AMER1: variants seen among roughly 807,000 people sequenced by gnomAD.
The protein encoded by AMER1 is RP11-403E24.2.
A neutral mutation model predicts 53.0 loss-of-function variants in AMER1; 16 were observed. The ratio of observed to expected loss-of-function variants is 0.30; its 90% CI spans 0.20 to 0.46. The LOEUF (loss-of-function observed/expected upper bound fraction) is 0.46, where lower values mean the gene tolerates loss of function less well. AMER1 is among the 20% of genes least tolerant of loss of function. The pLI is 1.00. For missense variants in AMER1, 947 were observed against 884.9 expected, an observed-to-expected ratio of 1.07 and a Z score of -0.89; for synonymous variants, 354 against 331.9, an observed-to-expected ratio of 1.07 and a Z score of -0.73.
chrX:64,192,259 C>T lies in AMER1; in HGVS notation c.1028G>A (p.Ser343Asn), dbSNP rs764628121. The T allele has an allele frequency of 8.2e-7, 1 of 1,212,264 alleles. No individual in the cohort carries two copies. Among genetic ancestry groups the T allele is most frequent in the African/African-American group, 1.7e-5 (1 of 57,947 alleles). Residue 343 changes from serine (S) to asparagine (N), a missense_variant, in exon 2 of 2, where the codon AGC becomes AAC. By Grantham distance (46) the Ser-to-Asn change is conservative. Transcript: ENST00000374869. ...TGCTCTCTGGCCCCCAGAGGCCATG[C>T]TGTCTGTCATACTGTCCATGTCCTG... The part of the protein sequence containing the change: ...AEQDMDSMTD[S>N]MASGGQRANR...
chrX:64,201,391 C>T (rs759497507), intron 1 of AMER1, among the ~76,000 whole-genome samples: 1 of 107,832 alleles, frequency 9.3e-6, no homozygotes, highest in South Asian at 4.1e-4. Flanking sequence ...ATGAAATCTC[C>T]AATAGATCGT....
intron 1 of AMER1, among the ~76,000 whole-genome samples, chrX:64,199,010 C>T (rs1181301981): frequency 8.9e-6 from 1 of 112,493 alleles, no homozygotes; most frequent in Non-Finnish European, 1.9e-5. Flanking sequence ...TTGGTCAGAG[C>T]CTAAAGGAAG....
chrX:64,193,243 G>A lies in AMER1; in HGVS notation c.44C>T (p.Ala15Val), dbSNP rs1287116053. Residue 15 changes from alanine to valine, a missense_variant, in exon 2 of 2, where the codon GCA becomes GTA. Ala to Val is a moderately conservative substitution (Grantham distance 64). Transcript: ENST00000374869. ...KDEAAQAKGA[A>V]ASGSTREQTA... The stretch of plus-strand genomic sequence containing the variant: ...TTGTTCACGGGTACTCCCAGAGGCT[G>A]CAGCTCCCTTGGCCTGAGCAGCTTC... The A allele has an allele frequency of 1.7e-6, 2 of 1,210,071 alleles. No homozygotes were observed. The highest frequency in any genetic ancestry group is 1.8e-5 in the African/African-American group (1 of 57,097).
At position 64,193,459 on chromosome X, in the gene AMER1, C is replaced by T. The variant is rs764783763; in HGVS notation, c.-98-75G>A. The T allele has an allele frequency of 7.3e-6, 5 of 687,021 alleles. No homozygotes were observed. The African/African-American group carries it at 1.1e-4, about 15-fold the overall frequency. 56.6% of individuals were successfully genotyped at this position (687,021 alleles called of 1,213,427 possible). ...AGCATCCAGGCTGGGTTTGCTTTCA[C>T]CGGACGTCAGGCTTGAGTGGAACAA... is the stretch of plus-strand genomic sequence containing the variant. On this transcript the variant is annotated intron_variant, in intron 1 of 1. Transcript: ENST00000374869.
In AMER1 at chrX:64,189,247, T is replaced by G; in HGVS notation, c.*632A>C. 11 of 796,053 alleles carry G rather than the reference T, an allele frequency of 1.4e-5. No homozygotes were observed. Among genetic ancestry groups the G allele is most frequent in the Non-Finnish European group, 1.7e-5 (11 of 665,207 alleles). The allele number at this position is 796,053 out of a possible 1,213,427, so 65.6% of individuals were successfully genotyped here. On this transcript the variant is annotated 3_prime_UTR_variant, in exon 2 of 2. Coordinates refer to ENST00000374869, the MANE Select transcript of AMER1 (RefSeq NM_152424.4). ...AGCTTATAGTCATCTGATATAATGA[T>G]GGCAGCTATGCCAGGCCAAAAGGAA... is the stretch of plus-strand genomic sequence containing the variant.
At position 64,193,250 on chromosome X, in the gene AMER1, C is replaced by T. The variant is rs1180225605; in HGVS notation, c.37G>A (p.Gly13Arg). 8 of 1,211,737 alleles carry T rather than the reference C, an allele frequency of 6.6e-6. No individual in the cohort carries two copies. Among genetic ancestry groups the T allele is most frequent in the South Asian group, 3.5e-5 (2 of 56,987 alleles). Residue 13 changes from glycine to arginine, a missense_variant, in exon 2 of 2, where the codon GGA (glycine) becomes AGA (arginine). Gly to Arg is a moderately radical substitution (Grantham distance 125). Transcript: ENST00000374869. The stretch of plus-strand genomic sequence containing the variant: ...CGGGTACTCCCAGAGGCTGCAGCTC[C>T]CTTGGCCTGAGCAGCTTCATCCTTT... The part of the protein sequence containing the change: ...TQKDEAAQAK[G>R]AAASGSTREQ...
In AMER1 at chrX:64,187,543, T is replaced by C. The variant is rs1420139182; in HGVS notation, c.*2336A>G. The C allele has an allele frequency of 2.6e-6, 2 of 777,658 alleles. No homozygotes were observed. The highest frequency in any genetic ancestry group is 8.8e-5 in the East Asian group (1 of 11,313). The allele number at this position is 777,658 out of a possible 1,213,427, so 64.1% of individuals were successfully genotyped here. On this transcript the variant is annotated 3_prime_UTR_variant, in exon 2 of 2. Coordinates refer to ENST00000374869, the MANE Select transcript of AMER1 (RefSeq NM_152424.4). ...CCTTAGCCAAAGGTTGGCCACCTCC[T>C]TTTTCTCTTCCCAGATAGGCTGGTG...
intron 1 of AMER1, among the ~76,000 whole-genome samples, chrX:64,204,256 C>T (rs1238797752): frequency 8.8e-6 from 1 of 113,589 alleles, no homozygotes; most frequent in Non-Finnish European, 1.9e-5. Flanking sequence ...CTTGCCCATG[C>T]CCACGCCGCT....
chrX:64,191,744 G>A lies in AMER1; in HGVS notation c.1543C>T (p.Leu515Phe), dbSNP rs2147088001. The change falls in exon 2 of 2, where the codon CTT becomes TTT. Residue 515 changes from leucine (L) to phenylalanine (F), a missense_variant. Leu to Phe is a conservative substitution (Grantham distance 22). Transcript: ENST00000374869. ...LYEFYEPDDS[L>F]ENSPPGDDCL... ...TCATCTCCAGGTGGAGAGTTCTCAA[G>A]GCTGTCATCTGGCTCATAGAACTCA... 8.3e-7 allele frequency: 1 copy of A among 1,211,780 alleles called. No individual in the cohort carries two copies. Among genetic ancestry groups the A allele is most frequent in the Non-Finnish European group, 1.1e-6 (1 of 895,468 alleles).
rs771513377 is a variant in AMER1, at chrX:64,192,689, C to A, written c.598G>T (p.Val200Phe). ...ACGTGCTCATGAGGCCTGGCTCTGA[C>A]CCTCTCAGGCCCCTTGGCCCCTGGC... The part of the protein sequence containing the change: ...SEPGAKGPER[V>F]RARPHEHVSS... Residue 200 changes from valine to phenylalanine, a missense_variant, in exon 2 of 2, where the codon GTC becomes TTC. Val to Phe is a conservative substitution (Grantham distance 50). Coordinates refer to ENST00000374869, the MANE Select transcript of AMER1 (RefSeq NM_152424.4). 10 of 1,171,600 alleles carry A rather than the reference C, an allele frequency of 8.5e-6. No individual in the cohort carries two copies. Among genetic ancestry groups the A allele is most frequent in the Non-Finnish European group, 1.1e-5 (10 of 877,613 alleles).
At chrX:64,193,798 G>T (rs1369657299) in intron 1 of AMER1, among the ~76,000 whole-genome samples, 5 of 112,175 alleles carry the variant, frequency 4.5e-5, no homozygotes, top group African/African-American at 9.7e-5. Context: ...CAACATCACA[G>T]AATTTTTGAA....
rs2147088011 is a variant in AMER1, at chrX:64,191,746, C to T, written c.1541G>A (p.Ser514Asn). 1.7e-6 allele frequency: 2 copies of T among 1,211,696 alleles called. No homozygotes were observed. Among genetic ancestry groups the T allele is most frequent in the East Asian group, 3.0e-5 (1 of 33,836 alleles). ...ALYEFYEPDD[S>N]LENSPPGDDC... is the part of the protein sequence containing the mutation. ...ATCTCCAGGTGGAGAGTTCTCAAGGCTGTCATCTGGCTCATAGAACTCATA... is the reference window on the plus strand; with the variant it reads ...ATCTCCAGGTGGAGAGTTCTCAAGGTTGTCATCTGGCTCATAGAACTCATA... Residue 514 changes from serine (S) to asparagine (N), a missense_variant, in exon 2 of 2, where the codon AGC becomes AAC. Physicochemically the swap from Ser to Asn is conservative, Grantham distance 46. Coordinates refer to ENST00000374869, the MANE Select transcript of AMER1 (RefSeq NM_152424.4).
At position 64,187,056 on chromosome X, in the gene AMER1, A is replaced by G. The variant is rs1399194859; in HGVS notation, c.*2823T>C. 5.1e-6 allele frequency: 4 copies of G among 779,630 alleles called. No homozygotes were observed. The East Asian group carries it at 2.6e-4, about 51-fold the overall frequency. 64.3% of individuals were successfully genotyped at this position (779,630 alleles called of 1,213,427 possible). ...TAGTAGTACTCTTGGAGGTGTGGAC[A>G]TGATATCAACAGTTTTAGTGGTCTG... is the stretch of plus-strand genomic sequence containing the variant. On this transcript the variant is annotated 3_prime_UTR_variant, in exon 2 of 2. Coordinates refer to ENST00000374869, the MANE Select transcript of AMER1 (RefSeq NM_152424.4).
chrX:64,192,284 G>C lies in AMER1; in HGVS notation c.1003C>G (p.Gln335Glu), dbSNP rs757897232. The change falls in exon 2 of 2, where the codon CAG (glutamine) becomes GAG (glutamate). Residue 335 changes from glutamine to glutamate, a missense_variant. Transcript: ENST00000374869. ...CTGTCTGTCATACTGTCCATGTCCT[G>C]TTCTGCTATTATGTCACCACAACCT... ...LTGCGDIIAE[Q>E]DMDSMTDSMA... 1 of 1,212,053 alleles carries C rather than the reference G, an allele frequency of 8.3e-7. No homozygotes were observed.
At position 64,189,752 on chromosome X, in the gene AMER1, G is replaced by A; in HGVS notation, c.*127C>T. ...GGGAAAACCAAGGTGAAAACTCACA[G>A]GAGTTTTCCTTGGCCCAAAGGGTTT... On this transcript the variant is annotated 3_prime_UTR_variant, in exon 2 of 2. Coordinates refer to ENST00000374869, the MANE Select transcript of AMER1 (RefSeq NM_152424.4). 1.7e-5 allele frequency: 19 copies of A among 1,122,578 alleles called. No individual in the cohort carries two copies. The highest frequency in any genetic ancestry group is 2.1e-5 in the Non-Finnish European group (18 of 851,199). 92.5% of individuals were successfully genotyped at this position (1,122,578 alleles called of 1,213,427 possible).
intron 1 of AMER1, among the ~76,000 whole-genome samples, chrX:64,202,375 A>G (rs1930506655): frequency 8.9e-6 from 1 of 111,756 alleles, no homozygotes. Context: ...TGGTTAATGA[A>G]ATCTACATTG....
chrX:64,189,612 C>T lies in AMER1; in HGVS notation c.*267G>A, dbSNP rs1474651609. On this transcript the variant is annotated 3_prime_UTR_variant, in exon 2 of 2. Transcript: ENST00000374869. ...CAAAATTACAGCATCCCAAACCCAGCGTGGGTCACAAGAAGAAACCTCGAA... is the reference window on the plus strand; with the variant it reads ...CAAAATTACAGCATCCCAAACCCAGTGTGGGTCACAAGAAGAAACCTCGAA... 2 of 906,543 alleles carry T rather than the reference C, an allele frequency of 2.2e-6. No individual in the cohort carries two copies. Among genetic ancestry groups the T allele is most frequent in the East Asian group, 4.9e-5 (1 of 20,398 alleles). 74.7% of individuals were successfully genotyped at this position (906,543 alleles called of 1,213,427 possible).
intron 1 of AMER1, among the ~76,000 whole-genome samples, chrX:64,205,292 C>A (rs1302073011): frequency 1.8e-5 from 2 of 111,003 alleles, no homozygotes; most frequent in Admixed American, 1.9e-4. Flanking sequence ...CCCCGCCCCC[C>A]CGAAAGCCGG....
chrX:64,188,885 T>C lies in AMER1; in HGVS notation c.*994A>G. The C allele has an allele frequency of 1.7e-5, 14 of 806,660 alleles. No individual in the cohort carries two copies. Among genetic ancestry groups the C allele is most frequent in the Non-Finnish European group, 2.1e-5 (14 of 671,657 alleles). 66.5% of individuals were successfully genotyped at this position (806,660 alleles called of 1,213,427 possible). On this transcript the variant is annotated 3_prime_UTR_variant, in exon 2 of 2. Coordinates refer to ENST00000374869, the MANE Select transcript of AMER1 (RefSeq NM_152424.4). ...AATTAAAAGACCGTGTTCCTTGTGA[T>C]GAGATTATGAAAATTTCCTTTAGAG...
Sources: allele counts gnomAD v4.1 joint callset (sites outside exome capture counted in the v4.1 genomes callset), GRCh38; gene constraint gnomAD v4.1.1; transcripts MANE v1.5; gene names NCBI Gene and HGNC (gene_info 2026-07-23, HGNC 2026-07-21).